GPCPD1: variants seen among roughly 807,000 people sequenced by gnomAD.
GPCPD1 encodes the protein glycerophosphocholine phosphodiesterase GPCPD1.
A neutral mutation model predicts 89.2 loss-of-function variants in GPCPD1; 29 were observed. The observed-to-expected ratio is 0.33, with a 90% confidence interval of 0.24 to 0.44. The LOEUF is 0.44. Ranked by LOEUF, GPCPD1 falls within the 20% of genes least tolerant of loss-of-function variation. The pLI, the probability that GPCPD1 is intolerant of heterozygous loss-of-function variation, is 1.00. For synonymous variants in GPCPD1, 258 were observed against 266.3 expected, an observed-to-expected ratio of 0.97 and a Z score of 0.30; for missense variants, 594 against 808.9, an observed-to-expected ratio of 0.73 and a Z score of 3.22.
chr20:5,558,182 G>A (rs1221055699), intron 18 of GPCPD1, 77 bp from the exon 19 acceptor site: 10 of 816,794 alleles, frequency 1.2e-5, no homozygotes, highest in Non-Finnish European at 1.8e-5. Context: ...CTAAATCAGT[G>A]CTCTCCAAAG....
In GPCPD1 at chr20:5,595,806, AG is replaced by A. The variant is rs34342997; in HGVS notation, c.147-2396del. On this transcript the variant is annotated intron_variant, in intron 3 of 19. Transcript: ENST00000379019. ...TTTCTGCTACCCCAAAAAGAAAAAA[AG>A]GGGGGGGGACAAATTCCCAGTACTA... 2.4e-3 allele frequency among the ~76,000 whole-genome samples: 354 copies of A among 150,354 alleles called. 1 individual carries two copies. Among genetic ancestry groups the A allele is most frequent in the Non-Finnish European group, 4.4e-3 (297 of 67,546 alleles).
At chr20:5,563,171 G>A (rs1030419232) in intron 15 of GPCPD1, among the ~76,000 whole-genome samples, 2 of 151,912 alleles carry the variant, frequency 1.3e-5, no homozygotes, top group African/African-American at 2.4e-5. Context: ...TAATAGAGAC[G>A]GGGTTTCACA....
chr20:5,609,753 G>C (rs903838826), intron 1 of GPCPD1, among the ~76,000 whole-genome samples: 1 of 150,908 alleles, frequency 6.6e-6, no homozygotes, highest in Non-Finnish European at 1.5e-5. Flanking sequence ...TCTAGCTCTT[G>C]GTTCTTCCTA....
In GPCPD1 at chr20:5,556,568, G is replaced by A. The variant is rs372408305; in HGVS notation, c.1829+1377C>T. On this transcript the variant is annotated intron_variant, in intron 19 of 19. Coordinates refer to ENST00000379019, the MANE Select transcript of GPCPD1 (RefSeq NM_019593.5). ...AGGACTTGCTTTGCTGTGGTGGTCT[G>A]GATCCCAGCCTTCACTATCGCTGAG... Among the ~76,000 whole-genome samples the A allele has an allele frequency of 1.6e-4, 24 of 152,294 alleles. 3 individuals carry two copies. The highest frequency in any genetic ancestry group is 6.2e-4 in the South Asian group (3 of 4,818).
chr20:5,594,250 G>C (rs1300253188), intron 3 of GPCPD1, among the ~76,000 whole-genome samples: 2 of 152,060 alleles, frequency 1.3e-5, no homozygotes, highest in Non-Finnish European at 2.9e-5. Context: ...AGGAACTCTG[G>C]GGGTGGGGGC....
At chr20:5,596,375 G>A (rs1413487794) in intron 3 of GPCPD1, among the ~76,000 whole-genome samples, 1 of 152,084 alleles carries the variant, frequency 6.6e-6, no homozygotes, top group African/African-American at 2.4e-5. Flanking sequence ...CTGTGTGACA[G>A]AATGAGACCC....
At chr20:5,555,411 T>C (rs1009955141) in intron 19 of GPCPD1, among the ~76,000 whole-genome samples, 1 of 152,172 alleles carries the variant, frequency 6.6e-6, no homozygotes, top group African/African-American at 2.4e-5. Flanking sequence ...TGGTTGTGCA[T>C]GCCTGCAGTC....
At chr20:5,587,899 T>C (rs541063973) in intron 4 of GPCPD1, among the ~76,000 whole-genome samples, 4 of 152,340 alleles carry the variant, frequency 2.6e-5, no homozygotes, top group Non-Finnish European at 5.9e-5. Context: ...TCTGAAATCC[T>C]CAAACTTCTG....
intron 18 of GPCPD1, among the ~76,000 whole-genome samples, chr20:5,558,424 T>C (rs1018184583): frequency 6.6e-6 from 1 of 152,206 alleles, no homozygotes; most frequent in Non-Finnish European, 1.5e-5. Context: ...GCATACAGTC[T>C]GAACATTTTT....
chr20:5,554,019 A>T lies in GPCPD1; in HGVS notation c.1829+3926T>A, dbSNP rs548681911. Among the ~76,000 whole-genome samples, 178 of 125,872 alleles carry T rather than the reference A, an allele frequency of 1.4e-3. 32 individuals are homozygous for T. Among genetic ancestry groups the T allele is most frequent in the African/African-American group, 5.5e-3 (169 of 30,800 alleles). 82.6% of individuals were successfully genotyped at this position (125,872 alleles called of 152,430 possible). A position where few individuals can be genotyped will look rare whatever the true frequency, so the allele number is the denominator to read the frequency against. On this transcript the variant is annotated intron_variant, in intron 19 of 19. Coordinates refer to ENST00000379019, the MANE Select transcript of GPCPD1 (RefSeq NM_019593.5). ...AGTCTCGCTCTGTCACCCAGGCTGCAGTGCAGTGGTGTGATCTCTGCTCAC... is the reference window on the plus strand; with the variant it reads ...AGTCTCGCTCTGTCACCCAGGCTGCTGTGCAGTGGTGTGATCTCTGCTCAC...
At position 5,580,062 on chromosome 20, in the gene GPCPD1, G is replaced by A; in HGVS notation, c.419C>T (p.Ser140Phe). The A allele has an allele frequency of 6.6e-7, 1 of 1,509,510 alleles. No individual in the cohort carries two copies. 93.5% of individuals were successfully genotyped at this position (1,509,510 alleles called of 1,614,324 possible). Residue 140 changes from serine (S) to phenylalanine (F), a missense_variant, in exon 7 of 20, where the codon TCT becomes TTT. By Grantham distance (155) the Ser-to-Phe change is radical. Transcript: ENST00000379019. ...GGTTATTGACACAGGAGGTTTTTCA[G>A]AATAATGCAAACGTAATCTTATTTC... Reference protein sequence around the residue: ...QTEIRLRLHYSEKPPVSITKK... With the variant: ...QTEIRLRLHYFEKPPVSITKK...
chr20:5,607,823 A>G lies in GPCPD1; in HGVS notation c.-29+3019T>C, dbSNP rs1340272108. The stretch of plus-strand genomic sequence containing the variant: ...ACAGAATGAGACTCTGTCTCAAATA[A>G]AAAAAAAAAAAAAAAGCCTGACATT... On this transcript the variant is annotated intron_variant, in intron 1 of 19. Coordinates refer to ENST00000379019, the MANE Select transcript of GPCPD1 (RefSeq NM_019593.5). Among the ~76,000 whole-genome samples, 3 of 75,820 alleles carry G rather than the reference A, an allele frequency of 4.0e-5. No individual in the cohort carries two copies. The African/African-American group carries it at 4.4e-4, about 11-fold the overall frequency. The allele number at this position is 75,820 out of a possible 152,430, so 49.7% of individuals were successfully genotyped here. A position where few individuals can be genotyped will look rare whatever the true frequency, so the allele number is the denominator to read the frequency against.
intron 5 of GPCPD1, chr20:5,585,356 C>G (rs1978839840): frequency 6.6e-6 from 1 of 152,026 alleles, no homozygotes; most frequent in Admixed American, 6.5e-5. Flanking sequence ...AAAGCAGAAA[C>G]TCCCACTGCT....
chr20:5,545,970 A>G lies in GPCPD1; in HGVS notation c.*1691T>C, dbSNP rs1449662535. The stretch of plus-strand genomic sequence containing the variant: ...AAGGAGCAGGACTAGAAACAAACAT[A>G]TATGGCTAATCGAGTTACTATAAAG... On this transcript the variant is annotated 3_prime_UTR_variant, in exon 20 of 20. Coordinates refer to ENST00000379019, the MANE Select transcript of GPCPD1 (RefSeq NM_019593.5). 1 of 152,256 alleles carries G rather than the reference A, an allele frequency of 6.6e-6. No individual in the cohort carries two copies. Among genetic ancestry groups the G allele is most frequent in the African/African-American group, 2.4e-5 (1 of 41,452 alleles). The allele number at this position is 152,256 out of a possible 1,614,324, so 9.4% of individuals were successfully genotyped here. A position where few individuals can be genotyped will look rare whatever the true frequency, so the allele number is the denominator to read the frequency against.
intron 4 of GPCPD1, among the ~76,000 whole-genome samples, chr20:5,586,493 T>C (rs1163268661): frequency 6.6e-6 from 1 of 152,186 alleles, no homozygotes; most frequent in Non-Finnish European, 1.5e-5. Context: ...AAAAATGAGA[T>C]GAACTGGCAC....
intron 19 of GPCPD1, among the ~76,000 whole-genome samples, chr20:5,550,906 A>G (rs1053430032): frequency 6.6e-6 from 1 of 152,202 alleles, no homozygotes; most frequent in Non-Finnish European, 1.5e-5. Context: ...CAATCAACCA[A>G]TCAGTACTGG....
Position 5,593,343 on chromosome 20 carries a change from T to C in GPCPD1, c.215A>G (p.Tyr72Cys). 1 of 1,559,410 alleles carries C rather than the reference T, an allele frequency of 6.4e-7. No individual in the cohort carries two copies. The highest frequency in any genetic ancestry group is 8.8e-7 in the Non-Finnish European group (1 of 1,130,598). ...VSVQYRYFKG[Y>C]FLEPKTIGGP... ...AAAACATACCTTTGGTTCTAAAAAG[T>C]ACCCTTTGAAGTAGCGATACTGAAC... is the stretch of plus-strand genomic sequence containing the variant. The change falls in exon 4 of 20, where the codon TAC becomes TGC. Residue 72 changes from tyrosine to cysteine, a missense_variant. Coordinates refer to ENST00000379019, the MANE Select transcript of GPCPD1 (RefSeq NM_019593.5).
chr20:5,576,217 G>C (rs1978288429), intron 8 of GPCPD1, among the ~76,000 whole-genome samples: 1 of 151,720 alleles, frequency 6.6e-6, no homozygotes, highest in Non-Finnish European at 1.5e-5. Context: ...TCAGGAGTTT[G>C]ATACTAGTCT....
intron 2 of GPCPD1, among the ~76,000 whole-genome samples, chr20:5,601,463 G>A (rs1453236151): frequency 6.7e-6 from 1 of 148,166 alleles, no homozygotes; most frequent in African/African-American, 2.5e-5. Context: ...CTACCTCCAG[G>A]GTTCAAGCAA....
Sources: allele counts gnomAD v4.1 joint callset (sites outside exome capture counted in the v4.1 genomes callset), GRCh38; gene constraint gnomAD v4.1.1; transcripts MANE v1.5; gene names NCBI Gene and HGNC (gene_info 2026-07-23, HGNC 2026-07-21).